CACNA1C: variants seen among roughly 807,000 people sequenced by gnomAD.
CACNA1C encodes calcium voltage-gated channel subunit alpha1 C, also known as voltage-dependent L-type calcium channel subunit alpha-1C.
In CACNA1C, 30 loss-of-function variants were observed where a neutral mutation model predicts 229.0. The ratio of observed to expected loss-of-function variants is 0.13; its 90% CI spans 0.10 to 0.18. The LOEUF (loss-of-function observed/expected upper bound fraction) is 0.18, where lower values mean the gene tolerates loss of function less well. CACNA1C is among the 10% of genes least tolerant of loss of function. CACNA1C has a pLI of 1.00. For missense variants in CACNA1C, 1,658 were observed against 2,845.0 expected (o/e 0.58, Z 9.49); for synonymous variants, 1,114 against 1,132.5 (o/e 0.98, Z 0.33).
chr12:2,069,560 T>TTC (rs1439497647), intron 1 of CACNA1C, among the ~76,000 whole-genome samples: 1 of 152,212 alleles, frequency 6.6e-6, no homozygotes, highest in Admixed American at 6.5e-5. Context: ...GAGCAGGAAT[T>TTC]TATGTTTTAG....
intron 29 of CACNA1C, among the ~76,000 whole-genome samples, chr12:2,629,332 G>A (rs544147502): frequency 6.6e-6 from 1 of 152,284 alleles, no homozygotes; most frequent in South Asian, 2.1e-4. Flanking sequence ...AGATGGGCAT[G>A]TCTTGTCTCC....
At chr12:1,977,885 A>G (rs898988743) in intron 1 of CACNA1C, among the ~76,000 whole-genome samples, 1 of 152,218 alleles carries the variant, frequency 6.6e-6, no homozygotes, top group Non-Finnish European at 1.5e-5. Flanking sequence ...AAGACAATCA[A>G]GTTTATACTT....
chr12:2,627,931 C>T (rs2087857911), intron 29 of CACNA1C, among the ~76,000 whole-genome samples: 1 of 152,208 alleles, frequency 6.6e-6, no homozygotes, highest in Non-Finnish European at 1.5e-5. Context: ...CCGGGGAACT[C>T]AGGAGCTGGC....
intron 3 of CACNA1C, among the ~76,000 whole-genome samples, chr12:2,224,905 G>C (rs1161331549): frequency 6.6e-6 from 1 of 152,162 alleles, no homozygotes; most frequent in African/African-American, 2.4e-5. Flanking sequence ...CCAACTGTTA[G>C]GGCTGTTTTT....
intron 9 of CACNA1C, among the ~76,000 whole-genome samples, chr12:2,526,650 A>G (rs1000597125): frequency 2.6e-5 from 4 of 152,252 alleles, no homozygotes; most frequent in Non-Finnish European, 5.9e-5. Context: ...CCTCAAAGGA[A>G]ATGATGGGCA....
At chr12:2,298,299 G>A (rs562776771) in intron 3 of CACNA1C, among the ~76,000 whole-genome samples, 2 of 152,266 alleles carry the variant, frequency 1.3e-5, no homozygotes, top group South Asian at 4.1e-4. Context: ...CATCTCTCAG[G>A]TGACAGGGTC....
At chr12:2,136,214 G>A (rs1163085084) in intron 3 of CACNA1C, among the ~76,000 whole-genome samples, 1 of 151,436 alleles carries the variant, frequency 6.6e-6, no homozygotes, top group Non-Finnish European at 1.5e-5. Flanking sequence ...CTAGTGAGAT[G>A]AACCCGGTAC....
chr12:2,058,077 C>T (rs2055931871), intron 1 of CACNA1C, among the ~76,000 whole-genome samples: 1 of 152,184 alleles, frequency 6.6e-6, no homozygotes, highest in African/African-American at 2.4e-5. Context: ...GTTCTAATTT[C>T]CAGTGATGTT....
chr12:2,068,440 G>T (rs2060158242), intron 1 of CACNA1C, among the ~76,000 whole-genome samples: 1 of 152,180 alleles, frequency 6.6e-6, no homozygotes, highest in Non-Finnish European at 1.5e-5. Context: ...AGGAGGCTGG[G>T]CTTCTGCACC....
intron 1 of CACNA1C, chr12:2,004,745 T>C (rs992455986): frequency 1.1e-5 from 4 of 372,388 alleles, no homozygotes; most frequent in African/African-American, 4.2e-5. Context: ...CGGTAGGATT[T>C]CCTTCTTGGA....
intron 3 of CACNA1C, among the ~76,000 whole-genome samples, chr12:2,367,653 A>G (rs1474315548): frequency 6.6e-6 from 1 of 152,228 alleles, no homozygotes; most frequent in East Asian, 1.9e-4. Context: ...GATTTACAAT[A>G]TAAAGCAGCT....
In CACNA1C at chr12:2,346,223, CTCTGTGTGTG is replaced by C. The variant is rs2097015952; in HGVS notation, c.478-102739_478-102730del. ...GCGTGTGTGTCTCTGTGTGTGTCAT[CTCTGTGTGTG>C]TCTGTGTGTGTCTCTGTCTGTGCAT... On this transcript the variant is annotated intron_variant, in intron 3 of 46. Transcript: ENST00000399655. The surrounding 1 kb of genome is among the most constrained non-coding windows in gnomAD (Gnocchi z 4.4). Among the ~76,000 whole-genome samples the C allele has an allele frequency of 6.6e-6, 1 of 152,012 alleles. No homozygotes were observed. Among genetic ancestry groups the C allele is most frequent in the Middle Eastern group, 3.4e-3 (1 of 294 alleles).
chr12:2,527,289 T>G (rs1288493903), intron 9 of CACNA1C, among the ~76,000 whole-genome samples: 3 of 152,204 alleles, frequency 2.0e-5, no homozygotes. Context: ...AGGCCAGCAC[T>G]GTTAAAGAAT....
chr12:2,251,924 T>G (rs975932436), intron 3 of CACNA1C, among the ~76,000 whole-genome samples: 10 of 152,236 alleles, frequency 6.6e-5, no homozygotes, highest in Non-Finnish European at 4.4e-5. Context: ...GAAACCTGTT[T>G]CTTACTGCAA....
chr12:2,441,871 A>T (rs1176138377), intron 3 of CACNA1C, among the ~76,000 whole-genome samples: 1 of 152,130 alleles, frequency 6.6e-6, no homozygotes, highest in Non-Finnish European at 1.5e-5. Context: ...AGCATGTGGG[A>T]TTATGGCATT....
At chr12:2,171,854 G>T (rs1331984326) in intron 3 of CACNA1C, among the ~76,000 whole-genome samples, 1 of 152,148 alleles carries the variant, frequency 6.6e-6, no homozygotes, top group African/African-American at 2.4e-5. Context: ...TTCCACTTGG[G>T]CTGTGACCCT....
intron 3 of CACNA1C, among the ~76,000 whole-genome samples, chr12:2,423,023 T>C (rs2098993925): frequency 6.6e-6 from 1 of 152,158 alleles, no homozygotes; most frequent in Non-Finnish European, 1.5e-5. Context: ...TCGTCCTCCA[T>C]CGAGGATTAG....
At position 2,467,890 on chromosome 12, in the gene CACNA1C, G is replaced by A. The variant is rs1051494867; in HGVS notation, c.757+10184G>A. Among the ~76,000 whole-genome samples, 8 of 152,226 alleles carry A rather than the reference G, an allele frequency of 5.3e-5. No individual in the cohort carries two copies. ...CGACTTCTCTGTTGCCCTGCCAGGT[G>A]CTTTGCCTCGGTTTCTCAATCTACA... On this transcript the variant is annotated intron_variant, in intron 5 of 46. Coordinates refer to ENST00000399655, the MANE Select transcript of CACNA1C (RefSeq NM_000719.7). The surrounding 1 kb of genome is among the most constrained non-coding windows in gnomAD (Gnocchi z 4.6).
chr12:2,626,448 A>G (rs1416616296), intron 29 of CACNA1C, among the ~76,000 whole-genome samples: 1 of 152,204 alleles, frequency 6.6e-6, no homozygotes, highest in Admixed American at 6.5e-5. Flanking sequence ...AAGCCCTCCC[A>G]TAGCAAAGGA....
Sources: allele counts gnomAD v4.1 joint callset (sites outside exome capture counted in the v4.1 genomes callset), GRCh38; gene constraint gnomAD v4.1.1; non-coding constraint Gnocchi (gnomAD v3.1); transcripts MANE v1.5; gene names NCBI Gene and HGNC (gene_info 2026-07-23, HGNC 2026-07-21).